The following SHISAL1 variants were observed in gnomAD, a reference collection of about 807,000 sequenced individuals.
SHISAL1 encodes the protein shisa like 1.
A neutral mutation model predicts 22.6 loss-of-function variants in SHISAL1; 9 were observed. That is an observed-to-expected ratio of 0.40 (90% CI 0.24 to 0.70). SHISAL1 has a LOEUF of 0.70. SHISAL1 is among the 30% of genes least tolerant of loss of function. The probability of loss-of-function intolerance (pLI) is 0.39; values close to 1 mark genes in which losing one functional copy is unlikely to be tolerated. For synonymous variants in SHISAL1, 119 were observed against 115.4 expected (o/e 1.03, Z -0.20); for missense variants, 246 against 270.6 (o/e 0.91, Z 0.64).
In SHISAL1 at chr22:44,289,670, C is replaced by G. The variant is rs147039229; in HGVS notation, c.282-3925G>C. ...AGGTGACCACCCTGGAGGTGGCAGG[C>G]GGGGACGCCCAGGCCATGGGCACTA... On this transcript the variant is annotated intron_variant, in intron 3 of 4. Transcript: ENST00000381176. Among the ~76,000 whole-genome samples, 33 of 152,302 alleles carry G rather than the reference C, an allele frequency of 2.2e-4. No individual in the cohort carries two copies. The East Asian group carries it at 6.4e-3, about 29-fold the overall frequency.
chr22:44,269,226 CCACA>C (rs889976166), intron 4 of SHISAL1, among the ~76,000 whole-genome samples: 3 of 150,902 alleles, frequency 2.0e-5, no homozygotes, highest in African/African-American at 7.3e-5. Flanking sequence ...ACACACCACG[CCACA>C]CAGACCCTCA....
At chr22:44,331,679 G>C in the SHISAL1 span, among the ~76,000 whole-genome samples, 1 of 148,256 alleles carries the variant, frequency 6.7e-6, no homozygotes, top group African/African-American at 2.4e-5. This position sits in a 1 kb window ranked among gnomAD's most constrained non-coding sequence, Gnocchi z 5.2. Context: ...GCGCTCGGAA[G>C]GCGCCCGCTC....
the SHISAL1 span, among the ~76,000 whole-genome samples, chr22:44,329,835 A>G: frequency 6.6e-6 from 1 of 152,162 alleles, no homozygotes; most frequent in Admixed American, 6.5e-5. Context: ...GGTTATTTGA[A>G]TTCTGCTTTT....
intron 3 of SHISAL1, among the ~76,000 whole-genome samples, chr22:44,286,649 C>T (rs2055318046): frequency 1.3e-5 from 2 of 152,204 alleles, no homozygotes; most frequent in African/African-American, 2.4e-5. Flanking sequence ...CTGGGTCAAG[C>T]CTGTCTTCTG....
intron 4 of SHISAL1, 46 bp from the exon 5 acceptor site, chr22:44,249,731 A>G (rs1042211887): frequency 1.3e-6 from 1 of 778,320 alleles, no homozygotes; most frequent in Non-Finnish European, 2.4e-6. Flanking sequence ...TGTCTCCTCC[A>G]TGGGGACATT....
intron 1 of SHISAL1, among the ~76,000 whole-genome samples, chr22:44,304,177 G>A (rs566116828): frequency 2.6e-5 from 4 of 152,334 alleles, no homozygotes; most frequent in Admixed American, 2.6e-4. Context: ...CACCAACCTG[G>A]GTCCCAGGGC....
chr22:44,256,739 A>G (rs2055087420), intron 4 of SHISAL1, among the ~76,000 whole-genome samples: 1 of 151,474 alleles, frequency 6.6e-6, no homozygotes, highest in South Asian at 2.1e-4. Context: ...GCCAATAACG[A>G]TGCCTGGCAC....
intron 3 of SHISAL1, among the ~76,000 whole-genome samples, chr22:44,296,126 G>A (rs989281010): frequency 2.6e-5 from 4 of 152,088 alleles, no homozygotes; most frequent in Admixed American, 6.6e-5. Context: ...CCTGCAAAGT[G>A]AGTATTCTGT....
rs1569222523 is a variant in SHISAL1 at position 44,297,007 on chromosome 22, T to C, written c.68-122A>G. Reference sequence around the variant, plus strand: ...GCTTCTTCCCTCCCCTGGATGCCTTTGTGGTCCACTGTGAGCCTCACCTCT... The same window carrying C: ...GCTTCTTCCCTCCCCTGGATGCCTTCGTGGTCCACTGTGAGCCTCACCTCT... On this transcript the variant is annotated intron_variant, in intron 2 of 4. Coordinates refer to ENST00000381176, the MANE Select transcript of SHISAL1 (RefSeq NM_001099294.2). 11 of 716,922 alleles carry C rather than the reference T, an allele frequency of 1.5e-5. No individual in the cohort carries two copies. In the East Asian group the frequency reaches 2.3e-4, roughly 15 times the overall value. The allele number at this position is 716,922 out of a possible 1,614,324, so 44.4% of individuals were successfully genotyped here. A position where few individuals can be genotyped will look rare whatever the true frequency, so the allele number is the denominator to read the frequency against.
chr22:44,287,871 A>T (rs1316899551), intron 3 of SHISAL1, among the ~76,000 whole-genome samples: 1 of 151,922 alleles, frequency 6.6e-6, no homozygotes, highest in Non-Finnish European at 1.5e-5. Context: ...CCCCCACGGA[A>T]TTGCTCTAAG....
At chr22:44,293,170 C>T (rs956758294) in intron 3 of SHISAL1, among the ~76,000 whole-genome samples, 11 of 152,180 alleles carry the variant, frequency 7.2e-5, no homozygotes, top group Non-Finnish European at 1.5e-4. Context: ...TGTCAGATCT[C>T]GAGAATCAAG....
At chr22:44,289,239 C>G (rs8140996) in intron 3 of SHISAL1, among the ~76,000 whole-genome samples, 16,118 of 152,174 alleles carry the variant, frequency 0.11, 1,094 homozygotes, top group South Asian at 0.17. Context: ...AAAGGCCACA[C>G]AGCTGGTGAG....
At chr22:44,272,623 A>T (rs1483851495) in intron 4 of SHISAL1, among the ~76,000 whole-genome samples, 1 of 152,136 alleles carries the variant, frequency 6.6e-6, no homozygotes, top group Non-Finnish European at 1.5e-5. Flanking sequence ...GGGACTAAAT[A>T]CCCAGATGTG....
chr22:44,255,130 T>G (rs1223113331), intron 4 of SHISAL1, among the ~76,000 whole-genome samples: 6 of 152,102 alleles, frequency 3.9e-5, no homozygotes, highest in Non-Finnish European at 4.4e-5. Flanking sequence ...CTCCACAATT[T>G]CTACTCACTC....
At chr22:44,281,793 C>T (rs1247384874) in intron 4 of SHISAL1, among the ~76,000 whole-genome samples, 4 of 152,146 alleles carry the variant, frequency 2.6e-5, no homozygotes, top group Admixed American at 2.6e-4. Context: ...AGCTACTAAG[C>T]GGAGGGAAAG....
Position 44,248,352 on chromosome 22 carries a change from T to C in SHISAL1, c.*1333A>G, listed in dbSNP as rs1001692853. ...CTCCCGAGCTAAGAGCTGGGGGAGA[T>C]TTGGTATCACTAACACCCATGGAAT... On this transcript the variant is annotated 3_prime_UTR_variant, in exon 5 of 5. Transcript: ENST00000381176. 2.6e-5 allele frequency: 4 copies of C among 152,064 alleles called. No homozygotes were observed. Among genetic ancestry groups the C allele is most frequent in the African/African-American group, 7.3e-5 (3 of 41,376 alleles). 9.4% of individuals were successfully genotyped at this position (152,064 alleles called of 1,614,324 possible).
At chr22:44,313,676 C>A (rs1024105436), upstream of SHISAL1, among the ~76,000 whole-genome samples, 1 of 151,996 alleles carries the variant, frequency 6.6e-6, no homozygotes. Context: ...GTGCCAGGCA[C>A]CCCCCCAGCC....
intron 4 of SHISAL1, among the ~76,000 whole-genome samples, chr22:44,260,212 G>A (rs991957307): frequency 4.6e-5 from 7 of 152,180 alleles, no homozygotes; most frequent in Non-Finnish European, 7.3e-5. Flanking sequence ...CTTAAGTCAG[G>A]AGCCTGTACT....
intron 4 of SHISAL1, among the ~76,000 whole-genome samples, chr22:44,250,346 A>T (rs2055038781): frequency 6.6e-6 from 1 of 152,238 alleles, no homozygotes; most frequent in Admixed American, 6.5e-5. Context: ...ACAAAGCTAT[A>T]AAGAAGAGAC....
Sources: allele counts gnomAD v4.1 joint callset (sites outside exome capture counted in the v4.1 genomes callset), GRCh38; gene constraint gnomAD v4.1.1; non-coding constraint Gnocchi (gnomAD v3.1); transcripts MANE v1.5; gene names NCBI Gene and HGNC (gene_info 2026-07-23, HGNC 2026-07-21).